FBP1: variants seen among roughly 807,000 people sequenced by gnomAD.
FBP1 encodes fructose-bisphosphatase 1.
Under a neutral mutation model 29.9 loss-of-function variants are expected in FBP1, and 22 were observed. The observed-to-expected ratio is 0.74, with a 90% CI of 0.53 to 1.05. The LOEUF is 1.05. FBP1 is among the 50% of genes least tolerant of loss of function. The pLI, the probability that FBP1 is intolerant of heterozygous loss-of-function variation, is 0.00. For missense variants in FBP1, 345 were observed against 448.2 expected (o/e 0.77, Z 2.08); for synonymous variants, 175 against 178.6 (o/e 0.98, Z 0.16).
At chr9:94,639,697 GC>G (rs1293037486), upstream of FBP1, among the ~76,000 whole-genome samples, 3 of 132,980 alleles carry the variant, frequency 2.3e-5, no homozygotes, top group Admixed American at 2.4e-4. Flanking sequence ...CACGCGCCCT[GC>G]CGCCCCCTAG....
chr9:94,615,539 T>C (rs1827849787), intron 3 of FBP1, among the ~76,000 whole-genome samples: 1 of 152,144 alleles, frequency 6.6e-6, no homozygotes, highest in Admixed American at 6.5e-5. Context: ...GCAAGGAAAA[T>C]TGCATTCTTC....
At chr9:94,626,921 G>A (rs1292065987) in intron 1 of FBP1, among the ~76,000 whole-genome samples, 1 of 152,062 alleles carries the variant, frequency 6.6e-6, no homozygotes, top group Admixed American at 6.6e-5. Flanking sequence ...AGTCGCAGTG[G>A]CTCACACCTG....
intron 1 of FBP1, among the ~76,000 whole-genome samples, chr9:94,626,121 C>T (rs1828023488): frequency 6.6e-6 from 1 of 152,236 alleles, no homozygotes; most frequent in South Asian, 2.1e-4. Context: ...TCCTTCCCCT[C>T]TTCTAGCAGG....
chr9:94,624,399 T>C (rs948227769), intron 1 of FBP1, among the ~76,000 whole-genome samples: 1 of 142,882 alleles, frequency 7.0e-6, no homozygotes, highest in Admixed American at 7.2e-5. Flanking sequence ...ACGCCTGTAA[T>C]CCCAGCACTT....
In FBP1 at chr9:94,610,211, T is replaced by C. The variant is rs17847085; in HGVS notation, c.427-150A>G. The C allele has an allele frequency of 5.1e-4, 398 of 775,798 alleles. 3 individuals carry two copies. The East Asian group carries it at 0.011, about 21-fold the overall frequency. The allele number at this position is 775,798 out of a possible 1,614,324, so 48.1% of individuals were successfully genotyped here. A position where few individuals can be genotyped will look rare whatever the true frequency, so the allele number is the denominator to read the frequency against. ...GGCCTTCCCCTACACATCAGCAATA[T>C]CCTGATTAGATTATCACGGCAGCCT... On this transcript the variant is annotated intron_variant, in intron 3 of 6. Coordinates refer to ENST00000375326, the MANE Select transcript of FBP1 (RefSeq NM_000507.4).
chr9:94,638,100 A>AG (rs1828221941), intron 1 of FBP1, among the ~76,000 whole-genome samples: 2 of 85,650 alleles, frequency 2.3e-5, no homozygotes, highest in Admixed American at 2.2e-4. Flanking sequence ...AAAAAAAAAA[A>AG]AAAGAAAAGA....
At chr9:94,603,802 T>C (rs28369774) in intron 6 of FBP1, 6 of 585,962 alleles carry the variant, frequency 1.0e-5, no homozygotes, top group African/African-American at 9.2e-5. Context: ...GTGCCAGCAA[T>C]AGATTACCTG....
chr9:94,635,113 A>G (rs1218763969), intron 1 of FBP1, among the ~76,000 whole-genome samples: 1 of 142,836 alleles, frequency 7.0e-6, no homozygotes, highest in East Asian at 2.1e-4. Flanking sequence ...AAAAAAAACC[A>G]GTTAACTAAT....
At chr9:94,604,980 C>A (rs959079169) in intron 6 of FBP1, among the ~76,000 whole-genome samples, 1 of 152,136 alleles carries the variant, frequency 6.6e-6, no homozygotes, top group Non-Finnish European at 1.5e-5. Context: ...CTCTAGGTTT[C>A]CCCAGAGATT....
intron 3 of FBP1, among the ~76,000 whole-genome samples, chr9:94,611,115 G>A (rs923944794): frequency 2.0e-5 from 3 of 151,876 alleles, no homozygotes; most frequent in Admixed American, 6.6e-5. Context: ...CACCTGCCTC[G>A]GCCTCCCAAA....
chr9:94,608,579 C>A (rs1048010892), intron 4 of FBP1, among the ~76,000 whole-genome samples: 6 of 152,176 alleles, frequency 3.9e-5, no homozygotes, highest in Admixed American at 2.6e-4. Context: ...TCAGGTGGAA[C>A]TTTGCTCTGG....
chr9:94,625,285 C>A (rs1828005501), intron 1 of FBP1, among the ~76,000 whole-genome samples: 2 of 152,110 alleles, frequency 1.3e-5, no homozygotes, highest in Non-Finnish European at 2.9e-5. Flanking sequence ...ACAGAGGAAC[C>A]AACACAGAGA....
intron 2 of FBP1, 125 bp from the exon 3 acceptor site, chr9:94,617,985 G>C (rs1827888454): frequency 1.4e-6 from 1 of 734,572 alleles, no homozygotes; most frequent in South Asian, 1.5e-5. Flanking sequence ...TTATTTATTT[G>C]TACTGTCATG....
chr9:94,625,991 G>A (rs1328848619), intron 1 of FBP1, among the ~76,000 whole-genome samples: 1 of 152,124 alleles, frequency 6.6e-6, no homozygotes, highest in Non-Finnish European at 1.5e-5. Flanking sequence ...ACCAAACCAC[G>A]GCAGGAAATG....
intron 6 of FBP1, 21 bp downstream of exon 6, chr9:94,605,436 C>G (rs1827681814): frequency 1.2e-6 from 2 of 1,612,240 alleles, no homozygotes; most frequent in African/African-American, 1.3e-5. Flanking sequence ...TCCTCACTCC[C>G]TCTCCAGGGG....
In FBP1 at chr9:94,639,415, C is replaced by A; in HGVS notation, c.-105G>T. 2.2e-6 allele frequency: 3 copies of A among 1,352,696 alleles called. No homozygotes were observed. The highest frequency in any genetic ancestry group is 3.1e-6 in the Non-Finnish European group (3 of 971,022). The allele number at this position is 1,352,696 out of a possible 1,614,324, so 83.8% of individuals were successfully genotyped here. ...GTAGGCACTGGCCGCAGGTGCGGAGCTGCAGGTGCGGGCGGCAGGTGCGGG... is the reference window on the plus strand; with the variant it reads ...GTAGGCACTGGCCGCAGGTGCGGAGATGCAGGTGCGGGCGGCAGGTGCGGG... On this transcript the variant is annotated 5_prime_UTR_variant, in exon 1 of 7. Coordinates refer to ENST00000375326, the MANE Select transcript of FBP1 (RefSeq NM_000507.4).
chr9:94,620,903 A>T (rs922873382), intron 1 of FBP1, among the ~76,000 whole-genome samples: 4 of 152,330 alleles, frequency 2.6e-5, no homozygotes, highest in African/African-American at 9.6e-5. Flanking sequence ...CCCAGAACTT[A>T]AAGTATAATA....
chr9:94,628,227 A>C (rs376632268), intron 1 of FBP1, among the ~76,000 whole-genome samples: 1 of 152,132 alleles, frequency 6.6e-6, no homozygotes, highest in Admixed American at 6.6e-5. Flanking sequence ...CTCTACTAAA[A>C]ATACAAAAAT....
intron 1 of FBP1, among the ~76,000 whole-genome samples, chr9:94,622,235 G>A (rs1280678870): frequency 6.6e-6 from 1 of 152,252 alleles, no homozygotes; most frequent in East Asian, 1.9e-4. Flanking sequence ...ATAGCCTGGG[G>A]TTGCCCTGAA....
Sources: gnomAD v4.1 joint callset for allele counts (sites outside exome capture counted in the v4.1 genomes callset) on GRCh38, gnomAD v4.1.1 for gene constraint, MANE v1.5 for transcripts, NCBI Gene and HGNC (gene_info 2026-07-23, HGNC 2026-07-21) for gene names.